CLEC4C: variants seen among roughly 807,000 people sequenced by gnomAD.
CLEC4C encodes C-type (calcium dependent, carbohydrate-recognition domain) lectin, superfamily member 11.
Under a neutral mutation model 27.7 loss-of-function variants are expected in CLEC4C, and 17 were observed. That is an observed-to-expected ratio of 0.61 (90% confidence interval 0.42 to 0.92). The LOEUF is 0.92. Among genes scored for constraint, CLEC4C ranks in the 40% least tolerant of loss-of-function variants. The pLI, the probability that CLEC4C is intolerant of heterozygous loss-of-function variation, is 0.00. For missense variants in CLEC4C, 244 were observed against 257.3 expected (o/e 0.95, Z 0.35); for synonymous variants, 80 against 80.8 (o/e 0.99, Z 0.06).
At chr12:7,747,689 T>C (rs558271411), upstream of CLEC4C, among the ~76,000 whole-genome samples, 189 of 130,592 alleles carry the variant, frequency 1.4e-3, no homozygotes, top group South Asian at 7.6e-3. Context: ...CCACCCAGGC[T>C]GGAGTATAGT....
In CLEC4C at chr12:7,741,421, C is replaced by T. The variant is rs774542063; in HGVS notation, c.235G>A (p.Asp79Asn). 1.1e-4 allele frequency: 169 copies of T among 1,552,344 alleles called. 1 individual carries two copies. The South Asian group carries it at 1.8e-3, about 16-fold the overall frequency. The change falls in exon 3 of 6, where the codon GAT (aspartate) becomes AAT (asparagine). Residue 79 changes from aspartate (D) to asparagine (N), a missense_variant and splice_region_variant. Physicochemically the swap from Asp to Asn is conservative, Grantham distance 23. Coordinates refer to ENST00000360345, the MANE Select transcript of CLEC4C (RefSeq NM_001371390.1). ...TCVMEGKDIE[D>N]WSCCPTPWTS... ...CTTGTTGCCCATTGCAGAGTTGTAC[C>T]TTCTATGTCCTTTCCTTCCATGACG...
At position 7,730,873 on chromosome 12, in the gene CLEC4C, A is replaced by T. The variant is rs201387945; in HGVS notation, c.421T>A (p.Phe141Ile). ...IQNLKRNSSYFLGLSDPGGRR... is the reference protein window; with the variant it reads ...IQNLKRNSSYILGLSDPGGRR... ...CCCCCTGGATCTGACAGCCCCAGAAAATAAGAAGAATTTCTTTTCAGATTC... is the reference window on the plus strand; with the variant it reads ...CCCCCTGGATCTGACAGCCCCAGAATATAAGAAGAATTTCTTTTCAGATTC... The change falls in exon 5 of 6, where the codon TTT (phenylalanine) becomes ATT (isoleucine). Residue 141 changes from phenylalanine (F) to isoleucine (I), a missense_variant. By Grantham distance (21) the Phe-to-Ile change is conservative. Coordinates refer to ENST00000360345, the MANE Select transcript of CLEC4C (RefSeq NM_001371390.1). 51 of 1,607,894 alleles carry T rather than the reference A, an allele frequency of 3.2e-5. No homozygotes were observed. Among genetic ancestry groups the T allele is most frequent in the Non-Finnish European group, 3.6e-5 (42 of 1,174,796 alleles).
chr12:7,745,407 AACTC>A (rs935564528), intron 2 of CLEC4C, among the ~76,000 whole-genome samples: 7 of 140,350 alleles, frequency 5.0e-5, no homozygotes, highest in East Asian at 4.2e-4. Flanking sequence ...TCTGTTTTTT[AACTC>A]ACTCAGTCTA....
chr12:7,742,654 C>T (rs554190776), intron 2 of CLEC4C, among the ~76,000 whole-genome samples: 5 of 151,164 alleles, frequency 3.3e-5, no homozygotes, highest in African/African-American at 1.2e-4. Context: ...ACTAAAAATA[C>T]AAAAATTAGC....
chr12:7,729,556 G>A lies in CLEC4C; in HGVS notation c.*40C>T, dbSNP rs1384011051. ...AATCAATTTAGCTTTCTACAACGGTGGATGCCAACCCAAACACATTTCCAG... is the reference window on the plus strand; with the variant it reads ...AATCAATTTAGCTTTCTACAACGGTAGATGCCAACCCAAACACATTTCCAG... On this transcript the variant is annotated 3_prime_UTR_variant, in exon 6 of 6. Transcript: ENST00000360345. The A allele has an allele frequency of 1.3e-6, 2 of 1,590,354 alleles. No homozygotes were observed. Among genetic ancestry groups the A allele is most frequent in the African/African-American group, 1.3e-5 (1 of 74,240 alleles).
Position 7,730,863 on chromosome 12 carries a change from A to G in CLEC4C, c.431T>C (p.Leu144Pro), listed in dbSNP as rs751596283. 6 of 1,610,352 alleles carry G rather than the reference A, an allele frequency of 3.7e-6. 1 individual carries two copies. The East Asian group carries it at 6.7e-5, about 18-fold the overall frequency. Reference protein sequence around the residue: ...LKRNSSYFLGLSDPGGRRHWQ... With the variant: ...LKRNSSYFLGPSDPGGRRHWQ... ...ATGTCGCCGACCCCCTGGATCTGAC[A>G]GCCCCAGAAAATAAGAAGAATTTCT... is the stretch of plus-strand genomic sequence containing the variant. Residue 144 changes from leucine (L) to proline (P), a missense_variant, in exon 5 of 6, where the codon CTG becomes CCG. Transcript: ENST00000360345.
At chr12:7,731,970 A>AC in intron 4 of CLEC4C, among the ~76,000 whole-genome samples, 1 of 151,618 alleles carries the variant, frequency 6.6e-6, no homozygotes. Context: ...ATGCAAACCC[A>AC]CCCCCTGCCC....
intron 1 of CLEC4C, 53 bp from the exon 2 acceptor site, chr12:7,746,476 C>G: frequency 1.7e-6 from 2 of 1,168,772 alleles, no homozygotes; most frequent in Non-Finnish European, 2.5e-6. Context: ...GCCAAAGAGC[C>G]AGGAAACCAG....
At chr12:7,746,449 C>A in intron 1 of CLEC4C, 26 bp from the exon 2 acceptor site, 1 of 1,455,912 alleles carries the variant, frequency 6.9e-7, no homozygotes, top group Non-Finnish European at 9.6e-7. Context: ...GACAAATGCA[C>A]AGTCATAATC....
At position 7,740,460 on chromosome 12, in the gene CLEC4C, G is replaced by A. The variant is rs751623722; in HGVS notation, c.235+961C>T. On this transcript the variant is annotated intron_variant, in intron 3 of 5. Coordinates refer to ENST00000360345, the MANE Select transcript of CLEC4C (RefSeq NM_001371390.1). ...CACGCCTGTAATCCCAGCACTTTGG[G>A]AGGCCGATGCGGGAGGATTGCCTGA... 1.2e-4 allele frequency among the ~76,000 whole-genome samples: 18 copies of A among 152,120 alleles called. No homozygotes were observed. In the South Asian group the frequency reaches 3.5e-3, roughly 30 times the overall value.
At chr12:7,735,896 G>A (rs1171469672) in intron 4 of CLEC4C, among the ~76,000 whole-genome samples, 1 of 152,090 alleles carries the variant, frequency 6.6e-6, no homozygotes, top group Non-Finnish European at 1.5e-5. Flanking sequence ...TGAAAGAGAA[G>A]CAAGATCAAT....
In CLEC4C at chr12:7,736,198, G is replaced by A. The variant is rs764371899; in HGVS notation, c.381+1231C>T. 1.4e-4 allele frequency among the ~76,000 whole-genome samples: 22 copies of A among 152,206 alleles called. No homozygotes were observed. In the East Asian group the frequency reaches 3.5e-3, roughly 24 times the overall value. On this transcript the variant is annotated intron_variant, in intron 4 of 5. Transcript: ENST00000360345. ...CTCGGGAAGCTGAGGCAGGAGAATC[G>A]CTTGAACCTGGGAGGCGGAGGTTGC... is the stretch of plus-strand genomic sequence containing the variant.
chr12:7,741,931 G>C (rs1287857045), intron 2 of CLEC4C, among the ~76,000 whole-genome samples: 1 of 152,128 alleles, frequency 6.6e-6, no homozygotes, highest in Non-Finnish European at 1.5e-5. Context: ...TGAGGCAAGA[G>C]AATTGCTAGA....
rs773273223 is a variant in CLEC4C at position 7,729,496 on chromosome 12, G to A, written c.*100C>T. On this transcript the variant is annotated 3_prime_UTR_variant, in exon 6 of 6. Coordinates refer to ENST00000360345, the MANE Select transcript of CLEC4C (RefSeq NM_001371390.1). ...GACAGCCTGCTGAAACATTTTAGGG[G>A]CATTCCTTGTACAAAACTTACACAT... 2.3e-4 allele frequency: 241 copies of A among 1,041,936 alleles called. No individual in the cohort carries two copies. The highest frequency in any genetic ancestry group is 3.2e-4 in the Non-Finnish European group (227 of 704,950). The allele number at this position is 1,041,936 out of a possible 1,614,324, so 64.5% of individuals were successfully genotyped here.
chr12:7,738,465 TTTC>T (rs1180166234), intron 3 of CLEC4C, among the ~76,000 whole-genome samples: 1 of 152,166 alleles, frequency 6.6e-6, no homozygotes, highest in African/African-American at 2.4e-5. Context: ...TCAAAATGTT[TTTC>T]TTTATATTTT....
At chr12:7,748,934 T>A (rs1565465907), upstream of CLEC4C, among the ~76,000 whole-genome samples, 1 of 152,216 alleles carries the variant, frequency 6.6e-6, no homozygotes, top group Non-Finnish European at 1.5e-5. Flanking sequence ...GACCAGAGTA[T>A]TGCAAAAGCT....
chr12:7,744,358 G>C (rs1014409489), intron 2 of CLEC4C, among the ~76,000 whole-genome samples: 7 of 152,180 alleles, frequency 4.6e-5, no homozygotes, highest in Non-Finnish European at 1.0e-4. Context: ...CAACTAGAAA[G>C]AAACTGAAGA....
At chr12:7,732,707 A>C (rs959729767) in intron 4 of CLEC4C, among the ~76,000 whole-genome samples, 5 of 151,700 alleles carry the variant, frequency 3.3e-5, no homozygotes, top group African/African-American at 9.7e-5. Context: ...TCACGCCTAT[A>C]ATCCAAGCAT....
intron 3 of CLEC4C, among the ~76,000 whole-genome samples, chr12:7,740,064 C>G (rs1864818443): frequency 1.3e-5 from 2 of 151,742 alleles, no homozygotes; most frequent in Admixed American, 1.3e-4. Context: ...GAACTCCTGA[C>G]CCCAGGTGAT....
Sources: gnomAD v4.1 joint callset for allele counts (sites outside exome capture counted in the v4.1 genomes callset) on GRCh38, gnomAD v4.1.1 for gene constraint, MANE v1.5 for transcripts, NCBI Gene and HGNC (gene_info 2026-07-23, HGNC 2026-07-21) for gene names.